Variants in NPAS3 observed in about 807,000 individuals in gnomAD.
NPAS3 encodes the protein neuronal PAS domain-containing protein 3.
NPAS3 carries 14 observed loss-of-function variants against 73.1 expected under a neutral mutation model. That is an observed-to-expected ratio of 0.19 (90% CI 0.13 to 0.30). The LOEUF is 0.30. NPAS3 is among the 10% of genes least tolerant of loss of function. The pLI is 1.00. For missense variants in NPAS3, 1,096 were observed against 1,250.0 expected, an observed-to-expected ratio of 0.88 and a Z score of 1.86; for synonymous variants, 620 against 541.5, an observed-to-expected ratio of 1.14 and a Z score of -2.01.
At chr14:32,996,900 CA>C (rs2038599259) in intron 1 of NPAS3, among the ~76,000 whole-genome samples, 1 of 152,116 alleles carries the variant, frequency 6.6e-6, no homozygotes, top group Non-Finnish European at 1.5e-5. Flanking sequence ...CACCATCCTC[CA>C]GACGCCGGAA....
intron 4 of NPAS3, among the ~76,000 whole-genome samples, chr14:33,457,542 C>T (rs898829880): frequency 2.0e-5 from 3 of 152,180 alleles, no homozygotes; most frequent in Non-Finnish European, 2.9e-5. Flanking sequence ...GAGGAGGACA[C>T]ATTCCCAGAA....
At chr14:33,290,677 G>T (rs1225080576) in intron 3 of NPAS3, among the ~76,000 whole-genome samples, 1 of 152,108 alleles carries the variant, frequency 6.6e-6, no homozygotes, top group African/African-American at 2.4e-5. Context: ...CACTAAAAAA[G>T]AATTTTTTAA....
upstream of NPAS3, chr14:32,935,085 CT>C: frequency 1.3e-6 from 1 of 778,486 alleles, no homozygotes. Flanking sequence ...TGTTTTGTGT[CT>C]TACAACACAC....
At chr14:33,678,821 C>T (rs1038982422) in intron 6 of NPAS3, among the ~76,000 whole-genome samples, 10 of 151,100 alleles carry the variant, frequency 6.6e-5, no homozygotes, top group African/African-American at 1.9e-4. Flanking sequence ...AGTCTAAATA[C>T]GACAGCAAGC....
chr14:33,681,964 T>TAAC (rs1312264159), intron 6 of NPAS3, among the ~76,000 whole-genome samples: 1 of 152,072 alleles, frequency 6.6e-6, no homozygotes, highest in Admixed American at 6.5e-5. Context: ...GTGACTAACT[T>TAAC]AACATAGAAA....
At chr14:33,480,167 T>C (rs548835338) in intron 4 of NPAS3, among the ~76,000 whole-genome samples, 1 of 152,168 alleles carries the variant, frequency 6.6e-6, no homozygotes, top group African/African-American at 2.4e-5. Flanking sequence ...TGGGATAGAG[T>C]AGGTCTTATT....
intron 2 of NPAS3, among the ~76,000 whole-genome samples, chr14:33,167,139 AG>A (rs1285892763): frequency 6.6e-6 from 1 of 152,202 alleles, no homozygotes; most frequent in Non-Finnish European, 1.5e-5. Context: ...GTAGAATTCT[AG>A]CAGGTTTAGA....
rs1255464594 is a variant in NPAS3 at position 33,160,497 on chromosome 14, G to C, written c.141-54685G>C. Among the ~76,000 whole-genome samples, 7 of 127,440 alleles carry C rather than the reference G, an allele frequency of 5.5e-5. No individual in the cohort carries two copies. In the South Asian group the frequency reaches 1.2e-3, roughly 22 times the overall value. 83.6% of individuals were successfully genotyped at this position (127,440 alleles called of 152,430 possible). On this transcript the variant is annotated intron_variant, in intron 2 of 11. Coordinates refer to ENST00000356141, the Ensembl canonical transcript of NPAS3. ...CACACACCGGGGCCTGTTGTGGGGT[G>C]GGGGGAGGGGGGAGGGATAGCATTA... is the stretch of plus-strand genomic sequence containing the variant.
chr14:33,308,311 A>C (rs1375286875), intron 3 of NPAS3, among the ~76,000 whole-genome samples: 2 of 151,902 alleles, frequency 1.3e-5, no homozygotes, highest in Non-Finnish European at 2.9e-5. Context: ...CAACAAAACC[A>C]AACACTTTTT....
intron 7 of NPAS3, among the ~76,000 whole-genome samples, chr14:33,746,850 C>T (rs1170923599): frequency 6.6e-6 from 1 of 151,834 alleles, no homozygotes; most frequent in African/African-American, 2.4e-5. Context: ...CCCACTAACT[C>T]GTCATCTAGC....
intron 3 of NPAS3, among the ~76,000 whole-genome samples, chr14:33,223,762 T>A (rs983470532): frequency 6.6e-6 from 1 of 152,160 alleles, no homozygotes; most frequent in Non-Finnish European, 1.5e-5. Context: ...TATTTCTATT[T>A]TCCTTTTCTT....
At chr14:33,688,826 G>A (rs1286491521) in intron 6 of NPAS3, among the ~76,000 whole-genome samples, 2 of 152,160 alleles carry the variant, frequency 1.3e-5, no homozygotes, top group East Asian at 3.9e-4. Flanking sequence ...TTCCATCCAT[G>A]ATAACAATAC....
chr14:33,564,184 C>T (rs943317965), intron 5 of NPAS3, among the ~76,000 whole-genome samples: 13 of 152,018 alleles, frequency 8.6e-5, no homozygotes, highest in Non-Finnish European at 1.6e-4. Flanking sequence ...CATAAAAAGA[C>T]CATTTATTAT....
intron 4 of NPAS3, among the ~76,000 whole-genome samples, chr14:33,426,097 A>C (rs1461004814): frequency 6.6e-6 from 1 of 152,094 alleles, no homozygotes; most frequent in African/African-American, 2.4e-5. Flanking sequence ...GTTTGCCACC[A>C]CTGACTGTAT....
intron 2 of NPAS3, among the ~76,000 whole-genome samples, chr14:33,068,951 G>T (rs769064526): frequency 6.6e-6 from 1 of 152,138 alleles, no homozygotes; most frequent in East Asian, 1.9e-4. Flanking sequence ...ATGCTGGCGG[G>T]CCAGGGAGGG....
At chr14:33,529,173 T>C (rs542043673) in intron 4 of NPAS3, among the ~76,000 whole-genome samples, 1 of 152,118 alleles carries the variant, frequency 6.6e-6, no homozygotes, top group Non-Finnish European at 1.5e-5. Context: ...GCCACCACAC[T>C]GTAGAGTCAT....
chr14:33,164,871 C>T (rs375744377), intron 2 of NPAS3, among the ~76,000 whole-genome samples: 107 of 150,702 alleles, frequency 7.1e-4, no homozygotes, highest in African/African-American at 2.4e-3. Flanking sequence ...AATTCACTGA[C>T]TTCCTTCTGT....
At chr14:33,442,657 A>G (rs368308411) in intron 4 of NPAS3, among the ~76,000 whole-genome samples, 7 of 152,302 alleles carry the variant, frequency 4.6e-5, no homozygotes, top group African/African-American at 1.7e-4. Flanking sequence ...GTGAAGAAGG[A>G]CTTGTTTGCT....
At chr14:33,629,674 C>T (rs984467988) in intron 5 of NPAS3, among the ~76,000 whole-genome samples, 2 of 151,858 alleles carry the variant, frequency 1.3e-5, no homozygotes, top group South Asian at 4.1e-4. Context: ...CTTACTTCTC[C>T]TTGTCCCAAA....
Sources: gnomAD v4.1 joint callset for allele counts (sites outside exome capture counted in the v4.1 genomes callset) on GRCh38, gnomAD v4.1.1 for gene constraint, MANE v1.5 for transcripts, NCBI Gene and HGNC (gene_info 2026-07-23, HGNC 2026-07-21) for gene names.